The following KCNAB1 variants were observed in gnomAD, a reference collection of about 807,000 sequenced individuals.
KCNAB1 encodes potassium voltage-gated channel subfamily A regulatory beta subunit 1.
A neutral mutation model predicts 64.6 loss-of-function variants in KCNAB1; 35 were observed. The ratio of observed to expected loss-of-function variants is 0.54; its 90% confidence interval spans 0.41 to 0.72. The LOEUF is 0.72. Among genes scored for constraint, KCNAB1 ranks in the 30% least tolerant of loss-of-function variants. The pLI is 0.00. For missense variants in KCNAB1, 401 were observed against 512.9 expected (o/e 0.78, Z 2.11); for synonymous variants, 177 against 183.8 (o/e 0.96, Z 0.30).
At chr3:156,216,385 G>A (rs1301073780) in intron 1 of KCNAB1, among the ~76,000 whole-genome samples, 1 of 152,216 alleles carries the variant, frequency 6.6e-6, no homozygotes, top group African/African-American at 2.4e-5. Context: ...GGCATGCCAT[G>A]TTTCCAGGCA....
At position 156,312,703 on chromosome 3, in the gene KCNAB1, C is replaced by CAAAAAA. The variant is rs397991453; in HGVS notation, c.276-108890_276-108885dup. On this transcript the variant is annotated intron_variant, in intron 1 of 13. Transcript: ENST00000490337. Reference sequence around the variant, plus strand: ...CTAGGTGACAGAGTGAGACTGTCTCCAAAAAAAAAAAAAAAAAAAAAAAAA... The same window carrying CAAAAAA: ...CTAGGTGACAGAGTGAGACTGTCTCCAAAAAAAAAAAAAAAAAAAAAAAAAAAAAAA... 7.3e-4 allele frequency among the ~76,000 whole-genome samples: 20 copies of CAAAAAA among 27,418 alleles called. 3 individuals are homozygous for CAAAAAA. Among genetic ancestry groups the CAAAAAA allele is most frequent in the Admixed American group, 1.8e-3 (3 of 1,682 alleles). 18.0% of individuals were successfully genotyped at this position (27,418 alleles called of 152,430 possible).
chr3:156,347,766 AT>A (rs1724579383), intron 1 of KCNAB1, among the ~76,000 whole-genome samples: 1 of 152,098 alleles, frequency 6.6e-6, no homozygotes, highest in African/African-American at 2.4e-5. Context: ...TACCCTTCAA[AT>A]TTTCTTAAAA....
intron 3 of KCNAB1, among the ~76,000 whole-genome samples, chr3:156,454,168 A>G (rs1342246216): frequency 2.0e-5 from 3 of 152,228 alleles, no homozygotes; most frequent in Non-Finnish European, 2.9e-5. Flanking sequence ...CCAGGGATGC[A>G]GACTTTAAGC....
At position 156,513,143 on chromosome 3, in the gene KCNAB1, C is replaced by T. The variant is rs545870226; in HGVS notation, c.659-1221C>T. Among the ~76,000 whole-genome samples the T allele has an allele frequency of 2.4e-3, 366 of 151,946 alleles. 2 individuals carry two copies. The highest frequency in any genetic ancestry group is 6.2e-3 in the South Asian group (30 of 4,806). On this transcript the variant is annotated intron_variant, in intron 8 of 13. Coordinates refer to ENST00000490337, the MANE Select transcript of KCNAB1 (RefSeq NM_172160.3). The stretch of plus-strand genomic sequence containing the variant: ...AGGAGAATGGCATGAACCCGGGAGG[C>T]GGAGCCTGCAGGGAGCCGAGATCTT...
Position 156,246,371 on chromosome 3 carries a change from C to T in KCNAB1, c.275+125485C>T, listed in dbSNP as rs187677748. ...CTGTAATCCCAGCACTTTGGGAGGC[C>T]GAGGAGGGCAGATCATGAGGTCAGG... On this transcript the variant is annotated intron_variant, in intron 1 of 13. Coordinates refer to ENST00000490337, the MANE Select transcript of KCNAB1 (RefSeq NM_172160.3). Among the ~76,000 whole-genome samples, 115 of 152,040 alleles carry T rather than the reference C, an allele frequency of 7.6e-4. 1 individual carries two copies. Among genetic ancestry groups the T allele is most frequent in the African/African-American group, 2.3e-3 (97 of 41,458 alleles).
intron 1 of KCNAB1, among the ~76,000 whole-genome samples, chr3:156,262,384 A>C (rs951588578): frequency 1.3e-5 from 2 of 151,870 alleles, no homozygotes; most frequent in African/African-American, 2.4e-5. Context: ...TTTGCTTGGG[A>C]AAGTTTTATC....
chr3:156,259,254 A>G (rs1718289974), intron 1 of KCNAB1, among the ~76,000 whole-genome samples: 1 of 152,118 alleles, frequency 6.6e-6, no homozygotes, highest in Non-Finnish European at 1.5e-5. Flanking sequence ...GACCCCCTTA[A>G]GGGGTCCTGA....
At chr3:156,472,364 G>A (rs1446976818) in intron 7 of KCNAB1, among the ~76,000 whole-genome samples, 2 of 152,140 alleles carry the variant, frequency 1.3e-5, no homozygotes, top group African/African-American at 4.8e-5. Flanking sequence ...AGCAGGTGGA[G>A]CCATCAGTTC....
At chr3:156,511,905 T>C (rs944732983) in intron 8 of KCNAB1, among the ~76,000 whole-genome samples, 2 of 152,216 alleles carry the variant, frequency 1.3e-5, no homozygotes, top group African/African-American at 4.8e-5. Context: ...TTCCCTCCCA[T>C]TGCTGGGACT....
At chr3:156,332,609 A>G (rs761428813) in intron 1 of KCNAB1, among the ~76,000 whole-genome samples, 31 of 152,286 alleles carry the variant, frequency 2.0e-4, no homozygotes, top group Non-Finnish European at 4.0e-4. Context: ...AAACGGGACC[A>G]AGGCTTCCAT....
intron 1 of KCNAB1, among the ~76,000 whole-genome samples, chr3:156,382,783 G>A (rs1216855492): frequency 6.6e-6 from 1 of 152,174 alleles, no homozygotes; most frequent in Non-Finnish European, 1.5e-5. Flanking sequence ...GGCTTTGCAA[G>A]CAACCACTTT....
At chr3:156,134,182 T>C (rs2108268808) in intron 1 of KCNAB1, among the ~76,000 whole-genome samples, 1 of 152,352 alleles carries the variant, frequency 6.6e-6, no homozygotes, top group South Asian at 2.1e-4. Context: ...TGTGCTATGT[T>C]AAAATATCCT....
chr3:156,291,647 C>T (rs1236151914), intron 1 of KCNAB1: 9 of 1,362,388 alleles, frequency 6.6e-6, no homozygotes, highest in East Asian at 3.0e-5. Context: ...ACCTGATTCT[C>T]CCTCCAGCTG....
At chr3:156,397,031 G>A (rs1200639262) in intron 1 of KCNAB1, among the ~76,000 whole-genome samples, 1 of 152,236 alleles carries the variant, frequency 6.6e-6, no homozygotes, top group Non-Finnish European at 1.5e-5. Flanking sequence ...ATATTGGACT[G>A]AGGAGTAGTA....
intron 1 of KCNAB1, among the ~76,000 whole-genome samples, chr3:156,244,690 C>A (rs1166952406): frequency 6.6e-6 from 1 of 152,206 alleles, no homozygotes; most frequent in African/African-American, 2.4e-5. Context: ...CTGATAGATA[C>A]ACCCCCAATG....
Position 156,202,059 on chromosome 3 carries a change from A to G in KCNAB1, c.275+81173A>G, listed in dbSNP as rs1048785847. The stretch of plus-strand genomic sequence containing the variant: ...CTGCCCTGCAGAGTTCAGGTACAAT[A>G]GTTTCTCTGGGGCTAAAGTCTCCTG... On this transcript the variant is annotated intron_variant, in intron 1 of 13. Transcript: ENST00000490337. Among the ~76,000 whole-genome samples, 52 of 152,120 alleles carry G rather than the reference A, an allele frequency of 3.4e-4. 1 individual carries two copies. The highest frequency in any genetic ancestry group is 1.2e-4 in the Non-Finnish European group (8 of 68,026).
intron 1 of KCNAB1, among the ~76,000 whole-genome samples, chr3:156,418,854 G>A (rs577593964): frequency 1.3e-5 from 2 of 152,198 alleles, no homozygotes; most frequent in African/African-American, 4.8e-5. Context: ...AAAAGTATTA[G>A]AGTTAAGGGA....
At chr3:156,164,572 A>T (rs955755060) in intron 1 of KCNAB1, among the ~76,000 whole-genome samples, 4 of 152,240 alleles carry the variant, frequency 2.6e-5, no homozygotes, top group African/African-American at 9.6e-5. Flanking sequence ...CCCAGAAGAA[A>T]GGCAAATGTA....
intron 1 of KCNAB1, among the ~76,000 whole-genome samples, chr3:156,419,012 T>C (rs1715283388): frequency 6.6e-6 from 1 of 152,108 alleles, no homozygotes; most frequent in Admixed American, 6.5e-5. Context: ...GGCAAGAAAA[T>C]GGGCCATTAG....
Sources: allele counts gnomAD v4.1 joint callset (sites outside exome capture counted in the v4.1 genomes callset), GRCh38; gene constraint gnomAD v4.1.1; transcripts MANE v1.5; gene names NCBI Gene and HGNC (gene_info 2026-07-23, HGNC 2026-07-21).